The following XG variants were observed in gnomAD, a reference collection of about 807,000 sequenced individuals.
XG encodes glycoprotein Xg.
A neutral mutation model predicts 25.7 loss-of-function variants in XG; 24 were observed. That is an observed-to-expected ratio of 0.93 (90% CI 0.68 to 1.31). The LOEUF (loss-of-function observed/expected upper bound fraction) is 1.31. Among genes scored for constraint, XG ranks in the 40% most tolerant of loss-of-function variants. The probability of loss-of-function intolerance (pLI) is 0.00; values close to 1 mark genes in which losing one functional copy is unlikely to be tolerated. For missense variants in XG, 181 were observed against 187.6 expected, an observed-to-expected ratio of 0.96 and a Z score of 0.21; for synonymous variants, 77 against 69.2, an observed-to-expected ratio of 1.11 and a Z score of -0.56.
intron 4 of XG, among the ~76,000 whole-genome samples, chrX:2,785,079 T>C (rs1383812346): frequency 1.8e-5 from 2 of 112,050 alleles, no homozygotes; most frequent in Non-Finnish European, 3.8e-5. Flanking sequence ...TGGTTTGATC[T>C]GGAAATGCGG....
intron 1 of XG, among the ~76,000 whole-genome samples, chrX:2,765,075 C>T (rs1024779998): frequency 7.8e-6 from 1 of 128,888 alleles, no homozygotes; most frequent in African/African-American, 3.0e-5. Flanking sequence ...AGGCTAGGCA[C>T]GGCGGCTCAT....
At chrX:2,804,255 G>C (rs1367055332) in intron 7 of XG, among the ~76,000 whole-genome samples, 1 of 112,046 alleles carries the variant, frequency 8.9e-6, no homozygotes, top group Non-Finnish European at 1.9e-5. Flanking sequence ...TTTTGTTTCA[G>C]AGTGAAACCA....
intron 4 of XG, among the ~76,000 whole-genome samples, chrX:2,787,616 G>T (rs2086796733): frequency 9.0e-6 from 1 of 111,482 alleles, no homozygotes; most frequent in Non-Finnish European, 1.9e-5. Flanking sequence ...GACCTCAAAA[G>T]AGAGTCTAGG....
chrX:2,804,202 C>T (rs938483394), intron 7 of XG, among the ~76,000 whole-genome samples: 10 of 112,378 alleles, frequency 8.9e-5, no homozygotes, highest in Non-Finnish European at 1.5e-4. Context: ...CCAACTGGTC[C>T]CCAGGCAAGA....
At chrX:2,796,219 ATATT>A (rs2086884782) in intron 6 of XG, among the ~76,000 whole-genome samples, 1 of 106,003 alleles carries the variant, frequency 9.4e-6, no homozygotes, top group Admixed American at 1.0e-4. Flanking sequence ...CTTCATAAAT[ATATT>A]TATATATCTA....
intron 1 of XG, chrX:2,752,916 A>G: frequency 1.0e-6 from 1 of 985,440 alleles, no homozygotes; most frequent in African/African-American, 1.7e-5. Context: ...TCCCAGATCC[A>G]AGATTAGATT....
At position 2,789,308 on chromosome X, in the gene XG, A is replaced by G. The variant is rs1427701544; in HGVS notation, c.191-336A>G. Among the ~76,000 whole-genome samples the G allele has an allele frequency of 4.5e-5, 5 of 112,217 alleles. No individual in the cohort carries two copies. The East Asian group carries it at 1.4e-3, about 31-fold the overall frequency. On this transcript the variant is annotated intron_variant, in intron 4 of 10. Transcript: ENST00000644266. The stretch of plus-strand genomic sequence containing the variant: ...AAATACAACACACTATCAAAAGGTC[A>G]GATGTTTCATCCTAACATTTATAGA...
intron 9 of XG, among the ~76,000 whole-genome samples, chrX:2,809,675 G>A (rs1403213438): frequency 1.8e-5 from 2 of 112,431 alleles, no homozygotes; most frequent in Non-Finnish European, 3.8e-5. Context: ...CCATTCTAGT[G>A]GTCCTCCTGG....
At chrX:2,789,025 A>G (rs970203500) in intron 4 of XG, among the ~76,000 whole-genome samples, 2 of 111,063 alleles carry the variant, frequency 1.8e-5, no homozygotes, top group Admixed American at 1.9e-4. Flanking sequence ...AAGAACAGGA[A>G]TTTGAGACCA....
intron 1 of XG, among the ~76,000 whole-genome samples, chrX:2,757,418 C>G (rs1226601220): frequency 1.3e-5 from 2 of 151,098 alleles, no homozygotes; most frequent in African/African-American, 4.9e-5. Flanking sequence ...GAACTGCCCT[C>G]TTGTATCTAG....
In XG at chrX:2,784,569, C is replaced by CA. The variant is rs71866753; in HGVS notation, c.190+2458dup. Reference sequence around the variant, plus strand: ...TGGGCAACAGAGCGAGACTCCGTCTCAAAAAAAAAAAAAAAAAGAATAAGA... The same window carrying CA: ...TGGGCAACAGAGCGAGACTCCGTCTCAAAAAAAAAAAAAAAAAAGAATAAGA... On this transcript the variant is annotated intron_variant, in intron 4 of 10. Transcript: ENST00000644266. Among the ~76,000 whole-genome samples, 192 of 52,942 alleles carry CA rather than the reference C, an allele frequency of 3.6e-3. 1 individual carries two copies. The highest frequency in any genetic ancestry group is 0.014 in the Middle Eastern group (1 of 72). 46.0% of individuals were successfully genotyped at this position (52,942 alleles called of 115,157 possible).
rs1469150745 is a variant in XG at position 2,770,545 on chromosome X, A to C, written c.62-5A>C. On this transcript the variant is annotated splice_polypyrimidine_tract_variant and splice_region_variant and intron_variant, in intron 1 of 10. Transcript: ENST00000644266. ...GGTGACTTATGCCCTGTTTGCTCCC[A>C]ATAGGTCAAAGAGACTTTGATTTGG... 6.2e-7 allele frequency: 1 copy of C among 1,613,894 alleles called. No individual in the cohort carries two copies. Among genetic ancestry groups the C allele is most frequent in the Non-Finnish European group, 8.5e-7 (1 of 1,179,850 alleles).
At chrX:2,765,376 G>GGGAAGGAA (rs56267419) in intron 1 of XG, among the ~76,000 whole-genome samples, 13,243 of 144,010 alleles carry the variant, frequency 0.092, 816 homozygotes, top group East Asian at 0.28. Flanking sequence ...GAGGGAGGGA[G>GGGAAGGAA]GGAAGGAAGG....
At chrX:2,798,742 G>A (rs1166523257) in intron 7 of XG, among the ~76,000 whole-genome samples, 1 of 111,098 alleles carries the variant, frequency 9.0e-6, no homozygotes, top group Non-Finnish European at 1.9e-5. Flanking sequence ...CTGACCTCAG[G>A]TGATCCGCCC....
At chrX:2,811,499 T>TTA in intron 10 of XG, 47 bp downstream of exon 10, 2 of 666,456 alleles carry the variant, frequency 3.0e-6, no homozygotes, top group Admixed American at 7.7e-5. Context: ...AAGCCTGATT[T>TTA]AAAAAAAAAA....
intron 7 of XG, among the ~76,000 whole-genome samples, chrX:2,803,370 A>G (rs1002959142): frequency 3.6e-5 from 4 of 111,306 alleles, no homozygotes; most frequent in Non-Finnish European, 7.5e-5. Context: ...TAACTGCCCA[A>G]TGGGTTTACC....
chrX:2,783,476 C>G (rs1359055217), intron 4 of XG, among the ~76,000 whole-genome samples: 1 of 112,312 alleles, frequency 8.9e-6, no homozygotes, highest in Non-Finnish European at 1.9e-5. Context: ...TAAATGTTTG[C>G]CAGGCAGAGC....
At chrX:2,763,471 A>C (rs311125) in intron 1 of XG, among the ~76,000 whole-genome samples, 1 of 147,148 alleles carries the variant, frequency 6.8e-6, no homozygotes, top group Non-Finnish European at 1.5e-5. Flanking sequence ...TCCCTGGGGC[A>C]TGTGGCGGTG....
At chrX:2,803,624 C>T (rs750474922) in intron 7 of XG, among the ~76,000 whole-genome samples, 84 of 109,553 alleles carry the variant, frequency 7.7e-4, no homozygotes, top group Non-Finnish European at 1.3e-3. Flanking sequence ...GGTTTTCTTG[C>T]TGTTTTCTGT....
Sources: allele counts gnomAD v4.1 joint callset (sites outside exome capture counted in the v4.1 genomes callset), GRCh38; gene constraint gnomAD v4.1.1; transcripts MANE v1.5; gene names NCBI Gene and HGNC (gene_info 2026-07-23, HGNC 2026-07-21).